MAGI2: variants seen among roughly 807,000 people sequenced by gnomAD.
MAGI2 encodes membrane associated guanylate kinase, WW and PDZ domain containing 2.
A neutral mutation model predicts 133.3 loss-of-function variants in MAGI2; 35 were observed. The ratio of observed to expected loss-of-function variants is 0.26; its 90% CI spans 0.20 to 0.35. MAGI2 has a LOEUF of 0.35. Among genes scored for constraint, MAGI2 ranks in the 10% least tolerant of loss-of-function variants. The pLI, the probability that MAGI2 is intolerant of heterozygous loss-of-function variation, is 1.00. For synonymous variants in MAGI2, 729 were observed against 710.6 expected (o/e 1.03, Z -0.41); for missense variants, 1,636 against 1,863.4 (o/e 0.88, Z 2.25).
chr7:78,747,650 A>T (rs370433743), intron 2 of MAGI2, among the ~76,000 whole-genome samples: 2 of 152,194 alleles, frequency 1.3e-5, no homozygotes, highest in Non-Finnish European at 2.9e-5. Flanking sequence ...GAGCTGCTCA[A>T]CTAACGCAGA....
At chr7:78,307,245 C>T (rs1348548344) in intron 9 of MAGI2, among the ~76,000 whole-genome samples, 1 of 152,112 alleles carries the variant, frequency 6.6e-6, no homozygotes, top group Non-Finnish European at 1.5e-5. Context: ...CATATTTTCA[C>T]TCCTATTACT....
At chr7:78,772,613 C>T (rs1415312897) in intron 2 of MAGI2, among the ~76,000 whole-genome samples, 1 of 152,170 alleles carries the variant, frequency 6.6e-6, no homozygotes, top group Non-Finnish European at 1.5e-5. Flanking sequence ...TACACCCAGT[C>T]CCCTCCATCA....
intron 6 of MAGI2, among the ~76,000 whole-genome samples, chr7:78,428,294 T>C (rs1799475594): frequency 6.6e-6 from 1 of 152,086 alleles, no homozygotes; most frequent in Admixed American, 6.6e-5. Context: ...TCTTTATAAA[T>C]ACAAAGTCAT....
chr7:78,264,515 CAG>C (rs1238966770), intron 9 of MAGI2, among the ~76,000 whole-genome samples: 5 of 152,122 alleles, frequency 3.3e-5, no homozygotes, highest in South Asian at 2.1e-4. Context: ...TAATTGCAAA[CAG>C]GGGAATCGGG....
intron 3 of MAGI2, among the ~76,000 whole-genome samples, chr7:78,621,542 C>A (rs1233534788): frequency 6.6e-6 from 1 of 151,968 alleles, no homozygotes; most frequent in Non-Finnish European, 1.5e-5. Context: ...AATTCACATG[C>A]AAGGCTATTC....
At chr7:78,510,078 GA>G (rs1405347775) in intron 4 of MAGI2, among the ~76,000 whole-genome samples, 7 of 151,886 alleles carry the variant, frequency 4.6e-5, no homozygotes, top group South Asian at 4.2e-4. Flanking sequence ...TAAGCTGAGA[GA>G]AAAAAAGGAT....
chr7:78,064,324 G>A (rs1813589457), intron 21 of MAGI2, among the ~76,000 whole-genome samples: 1 of 141,214 alleles, frequency 7.1e-6, no homozygotes, highest in African/African-American at 2.8e-5. Context: ...TGACTGTGAT[G>A]GTTTTGTGTG....
At chr7:78,558,986 A>C (rs1800110684) in intron 3 of MAGI2, among the ~76,000 whole-genome samples, 1 of 151,460 alleles carries the variant, frequency 6.6e-6, no homozygotes. Context: ...AATTTCAGGA[A>C]CCCAATTTCA....
At position 78,526,825 on chromosome 7, in the gene MAGI2, T is replaced by C. The variant is rs186888256; in HGVS notation, c.539-5180A>G. On this transcript the variant is annotated intron_variant, in intron 3 of 21. Coordinates refer to ENST00000354212, the MANE Select transcript of MAGI2 (RefSeq NM_012301.4). ...GAGATAGAGACCATCCTGGCCAACA[T>C]GGTGAAACTCCATCTCTACTAAAAA... 7.0e-3 allele frequency among the ~76,000 whole-genome samples: 1,064 copies of C among 151,618 alleles called. 10 individuals carry two copies. The highest frequency in any genetic ancestry group is 0.024 in the African/African-American group (1,010 of 41,372).
intron 21 of MAGI2, among the ~76,000 whole-genome samples, chr7:78,067,388 G>GT (rs2151152451): frequency 6.6e-6 from 1 of 152,328 alleles, no homozygotes; most frequent in South Asian, 2.1e-4. Context: ...GCAGTGAAAT[G>GT]TGAGAAACAG....
rs778579446 is a variant in MAGI2, at chr7:78,343,909, C to T, written c.1277G>A (p.Ser426Asn). 3 of 1,612,746 alleles carry T rather than the reference C, an allele frequency of 1.9e-6. No homozygotes were observed. Among genetic ancestry groups the T allele is most frequent in the Non-Finnish European group, 2.5e-6 (3 of 1,179,542 alleles). The change falls in exon 9 of 22, where the codon AGC (serine) becomes AAC (asparagine). Residue 426 changes from serine (S) to asparagine (N), a missense_variant. Physicochemically the swap from Ser to Asn is conservative, Grantham distance 46 (BLOSUM62 1). Around this residue, in one of 5 missense-constraint regions of MAGI2, gnomAD observed 920 missense variants for 1,093.5 expected, o/e 0.84. Coordinates refer to ENST00000354212, the MANE Select transcript of MAGI2 (RefSeq NM_012301.4). ...DASQLKGTFLSTTLKKSNMGF... is the reference protein window; with the variant it reads ...DASQLKGTFLNTTLKKSNMGF... ...CATGTTGCTCTTTTTTAGGGTGGTG[C>T]TGAGGAATGTTCCCTTCAACTGGGA...
intron 6 of MAGI2, among the ~76,000 whole-genome samples, chr7:78,439,516 T>C (rs1324767263): frequency 6.6e-6 from 1 of 152,130 alleles, no homozygotes; most frequent in East Asian, 1.9e-4. Context: ...CAGAGTAAGA[T>C]GTGGGACCTT....
chr7:78,467,626 T>G, intron 6 of MAGI2, among the ~76,000 whole-genome samples: 1 of 151,770 alleles, frequency 6.6e-6, no homozygotes, highest in East Asian at 1.9e-4. Context: ...TAAAATGCAA[T>G]TTGGTGTGAG....
intron 1 of MAGI2, among the ~76,000 whole-genome samples, chr7:79,281,798 T>G (rs192256813): frequency 5.8e-4 from 88 of 152,246 alleles, no homozygotes; most frequent in African/African-American, 2.1e-3. Context: ...TCTTGCAAGT[T>G]TTACATACTA....
chr7:78,217,536 T>A (rs1355374870), intron 10 of MAGI2, among the ~76,000 whole-genome samples: 1 of 152,226 alleles, frequency 6.6e-6, no homozygotes, highest in African/African-American at 2.4e-5. Flanking sequence ...GTCACATTCT[T>A]TATGAAATCT....
chr7:79,215,161 A>C (rs1238797296), intron 1 of MAGI2, among the ~76,000 whole-genome samples: 2 of 151,668 alleles, frequency 1.3e-5, no homozygotes, highest in Admixed American at 1.3e-4. Flanking sequence ...ATTCAGGAAC[A>C]ACTGACCAGC....
At chr7:79,142,999 G>A (rs948413743) in intron 1 of MAGI2, among the ~76,000 whole-genome samples, 2 of 152,108 alleles carry the variant, frequency 1.3e-5, no homozygotes, top group Non-Finnish European at 2.9e-5. Context: ...TTCAGGCAAC[G>A]CCATGTCTTC....
chr7:78,631,897 C>G (rs1584907685), intron 2 of MAGI2, among the ~76,000 whole-genome samples: 1 of 152,190 alleles, frequency 6.6e-6, no homozygotes, highest in Non-Finnish European at 1.5e-5. Context: ...GCAAGGTTCT[C>G]CACCTCTGTA....
intron 9 of MAGI2, among the ~76,000 whole-genome samples, chr7:78,333,860 G>A (rs940916458): frequency 4.0e-4 from 61 of 152,206 alleles, no homozygotes; most frequent in African/African-American, 1.4e-3. Context: ...TCCTGAGTGA[G>A]ATCGCAGAAT....
Sources: allele counts gnomAD v4.1 joint callset (sites outside exome capture counted in the v4.1 genomes callset), GRCh38; gene constraint gnomAD v4.1.1; regional missense constraint gnomAD v4.1.1; transcripts MANE v1.5; gene names NCBI Gene and HGNC (gene_info 2026-07-23, HGNC 2026-07-21).